Variants in CADPS observed in about 807,000 individuals in gnomAD.
CADPS encodes the protein calcium dependent secretion activator.
CADPS carries 57 observed loss-of-function variants against 167.3 expected under a neutral mutation model. That is an observed-to-expected ratio of 0.34 (90% CI 0.28 to 0.42). CADPS has a LOEUF of 0.42. CADPS is among the 20% of genes least tolerant of loss of function. The probability of loss-of-function intolerance (pLI) is 1.00; values close to 1 mark genes in which losing one functional copy is unlikely to be tolerated. For missense variants in CADPS, 1,414 were observed against 1,738.1 expected (o/e 0.81, Z 3.32); for synonymous variants, 676 against 635.3 (o/e 1.06, Z -0.96).
At chr3:62,631,003 AT>A (rs1015685992) in intron 6 of CADPS, among the ~76,000 whole-genome samples, 24 of 149,910 alleles carry the variant, frequency 1.6e-4, no homozygotes, top group African/African-American at 2.9e-4. Context: ...TGGGTCAAAT[AT>A]TTTTTTTTTA....
intron 10 of CADPS, among the ~76,000 whole-genome samples, chr3:62,553,993 C>A (rs2077717005): frequency 6.6e-6 from 1 of 152,126 alleles, no homozygotes; most frequent in Non-Finnish European, 1.5e-5. Flanking sequence ...GAATGCTGGC[C>A]AGCTCTCTAG....
chr3:62,720,795 T>C (rs962934908), intron 3 of CADPS, among the ~76,000 whole-genome samples: 7 of 151,842 alleles, frequency 4.6e-5, no homozygotes, highest in Non-Finnish European at 1.0e-4. Context: ...CTTTCCATAT[T>C]GTCCATTATA....
intron 3 of CADPS, among the ~76,000 whole-genome samples, chr3:62,664,208 G>T (rs142168433): frequency 0.027 from 4,184 of 152,208 alleles, 72 homozygotes; most frequent in East Asian, 0.085. Flanking sequence ...GGTTTCACCA[G>T]GTTGGCCAGA....
chr3:62,644,979 T>C (rs945764834), intron 6 of CADPS, among the ~76,000 whole-genome samples: 16 of 152,202 alleles, frequency 1.1e-4, no homozygotes, highest in African/African-American at 3.6e-4. Flanking sequence ...CTTTCCACCA[T>C]ACAATAATAC....
rs2074014646 is a variant in CADPS at position 62,532,935 on chromosome 3, T to C, written c.2227A>G (p.Met743Val). Residue 743 changes from methionine to valine, a missense_variant, in exon 13 of 30, where the codon ATG (methionine) becomes GTG (valine). Met to Val is a conservative substitution (Grantham distance 21). Coordinates refer to ENST00000383710, the MANE Select transcript of CADPS (RefSeq NM_003716.4). ...TAGTGAAGAAGGGTGGGGTCGATCA[T>C]GGCGCCATTTTCTGCCCGTTCAAGC... ...DLLERAENGA[M>V]IDPTLLHYSF... 1 of 1,613,796 alleles carries C rather than the reference T, an allele frequency of 6.2e-7. No individual in the cohort carries two copies. The highest frequency in any genetic ancestry group is 8.5e-7 in the Non-Finnish European group (1 of 1,179,852).
intron 1 of CADPS, among the ~76,000 whole-genome samples, chr3:62,776,060 T>C (rs2152571134): frequency 6.6e-6 from 1 of 152,328 alleles, no homozygotes; most frequent in African/African-American, 2.4e-5. Flanking sequence ...AAGCATATAA[T>C]GTCTTGGCAT....
Position 62,398,933 on chromosome 3 carries a change from T to C in CADPS, c.*473A>G, listed in dbSNP as rs1704940316. The stretch of plus-strand genomic sequence containing the variant: ...AATTGTTGGAGACTTGCCTTTTGTT[T>C]TTCAAAAAATAAAAATAAAAACACA... On this transcript the variant is annotated 3_prime_UTR_variant, in exon 30 of 30. Coordinates refer to ENST00000383710, the MANE Select transcript of CADPS (RefSeq NM_003716.4). The C allele has an allele frequency of 6.6e-6, 1 of 152,404 alleles. No individual in the cohort carries two copies. Among genetic ancestry groups the C allele is most frequent in the Non-Finnish European group, 1.5e-5 (1 of 68,112 alleles). The allele number at this position is 152,404 out of a possible 1,614,324, so 9.4% of individuals were successfully genotyped here.
At chr3:62,663,505 A>T (rs1288721240) in intron 3 of CADPS, among the ~76,000 whole-genome samples, 1 of 151,410 alleles carries the variant, frequency 6.6e-6, no homozygotes, top group Admixed American at 6.6e-5. Context: ...TCCTCTTTTT[A>T]GTATATATTA....
chr3:62,501,633 T>C (rs771958123), intron 17 of CADPS, among the ~76,000 whole-genome samples: 19 of 152,186 alleles, frequency 1.2e-4, no homozygotes, highest in East Asian at 3.8e-4. Context: ...GCTTTAAAAA[T>C]AGAGAGCTTT....
At chr3:62,625,810 T>C (rs554461643) in intron 6 of CADPS, 1 of 151,026 alleles carries the variant, frequency 6.6e-6, no homozygotes, top group East Asian at 1.9e-4. Flanking sequence ...CCAGGACCAT[T>C]CTTTGGTTTT....
intron 16 of CADPS, 66 bp downstream of exon 16, chr3:62,515,993 G>C: frequency 6.3e-7 from 1 of 1,595,260 alleles, no homozygotes; most frequent in Non-Finnish European, 8.6e-7. Flanking sequence ...TGAGAAAAGA[G>C]AAAGACTTCC....
intron 26 of CADPS, among the ~76,000 whole-genome samples, chr3:62,460,444 T>A (rs2059201790): frequency 6.6e-6 from 1 of 152,176 alleles, no homozygotes; most frequent in Non-Finnish European, 1.5e-5. Flanking sequence ...ACCCACACTG[T>A]AAAAAGCCGT....
rs2059830648 is a variant in CADPS, at chr3:62,465,449, A to G, written c.3554T>C (p.Phe1185Ser). 6.3e-7 allele frequency: 1 copy of G among 1,597,256 alleles called. No individual in the cohort carries two copies. Among genetic ancestry groups the G allele is most frequent in the African/African-American group, 1.3e-5 (1 of 74,156 alleles). ...CAGCACTCCTTCCAAGATAGTAACG[A>G]ACTAGAAAAACAGCAAAAAAGAAAA... ...KEMITLLVAK[F>S]VTILEGVLAK... Residue 1185 changes from phenylalanine to serine, a missense_variant and splice_region_variant, in exon 26 of 30, where the codon TTC (phenylalanine) becomes TCC (serine). This residue lies in a region of CADPS where 185 missense variants were observed against 251.5 expected (regional missense o/e 0.74). Coordinates refer to ENST00000383710, the MANE Select transcript of CADPS (RefSeq NM_003716.4). This position sits in a 1 kb window ranked among gnomAD's most constrained non-coding sequence, Gnocchi z 4.1.
At chr3:62,426,806 T>A (rs1338716336) in intron 28 of CADPS, among the ~76,000 whole-genome samples, 1 of 151,506 alleles carries the variant, frequency 6.6e-6, no homozygotes, top group Non-Finnish European at 1.5e-5. Flanking sequence ...GGTGGCTCAC[T>A]CCTGTAATCC....
At chr3:62,715,111 T>C (rs76607684) in intron 3 of CADPS, among the ~76,000 whole-genome samples, 1 of 152,180 alleles carries the variant, frequency 6.6e-6, no homozygotes, top group Non-Finnish European at 1.5e-5. Flanking sequence ...ACAGATGACA[T>C]GATGTTTGAA....
rs2086129032 is a variant in CADPS at position 62,763,688 on chromosome 3, A to G, written c.555+2183T>C. On this transcript the variant is annotated intron_variant, in intron 2 of 29. Coordinates refer to ENST00000383710, the MANE Select transcript of CADPS (RefSeq NM_003716.4). ...TAATCAACTTGGAGAGCTCCCAAGT[A>G]AAGTGTTAACCCTGATCTCCTGATA... Among the ~76,000 whole-genome samples, 2 of 152,166 alleles carry G rather than the reference A, an allele frequency of 1.3e-5. 1 individual carries two copies. The highest frequency in any genetic ancestry group is 4.1e-4 in the South Asian group (2 of 4,826).
chr3:62,586,901 G>A (rs2084769301), intron 7 of CADPS, among the ~76,000 whole-genome samples: 1 of 152,174 alleles, frequency 6.6e-6, no homozygotes, highest in Admixed American at 6.5e-5. Flanking sequence ...GGAATAACTT[G>A]CTAATTGTGG....
chr3:62,423,858 A>T (rs139997802), intron 28 of CADPS, among the ~76,000 whole-genome samples: 1 of 152,350 alleles, frequency 6.6e-6, no homozygotes, highest in South Asian at 2.1e-4. Flanking sequence ...AACACATTTA[A>T]CAAGATGGTG....
intron 11 of CADPS, among the ~76,000 whole-genome samples, chr3:62,543,964 TAATACA>T (rs1460340202): frequency 4.6e-5 from 7 of 152,126 alleles, no homozygotes; most frequent in African/African-American, 1.7e-4. Flanking sequence ...TTAGAAAAAT[TAATACA>T]AATACAAATG....
Sources: gnomAD v4.1 joint callset for allele counts (sites outside exome capture counted in the v4.1 genomes callset) on GRCh38, gnomAD v4.1.1 for gene constraint, gnomAD v4.1.1 regional missense constraint, Gnocchi (gnomAD v3.1) non-coding constraint, MANE v1.5 for transcripts, NCBI Gene and HGNC (gene_info 2026-07-23, HGNC 2026-07-21) for gene names.